PPP2R1A: variants seen among roughly 807,000 people sequenced by gnomAD.
PPP2R1A encodes the protein protein phosphatase 2 scaffold subunit Aalpha.
A neutral mutation model predicts 67.1 loss-of-function variants in PPP2R1A; 15 were observed. The ratio of observed to expected loss-of-function variants is 0.22; its 90% CI spans 0.15 to 0.34. The LOEUF is 0.34. Ranked by LOEUF, PPP2R1A falls within the 10% of genes least tolerant of loss-of-function variation. PPP2R1A has a pLI of 1.00. For missense variants in PPP2R1A, 369 were observed against 775.0 expected, an observed-to-expected ratio of 0.48 and a Z score of 6.22; for synonymous variants, 337 against 325.0, an observed-to-expected ratio of 1.04 and a Z score of -0.40.
Position 52,216,015 on chromosome 19 carries a change from A to G in PPP2R1A, c.934A>G (p.Asn312Asp). 1 of 1,614,010 alleles carries G rather than the reference A, an allele frequency of 6.2e-7. No individual in the cohort carries two copies. Among genetic ancestry groups the G allele is most frequent in the Non-Finnish European group, 8.5e-7 (1 of 1,179,898 alleles). Reference sequence around the variant, plus strand: ...CTCCCTGCCCACAGAGTTCTGTGAAAACCTCTCAGCTGACTGTCGGGAGAA... The same window carrying G: ...CTCCCTGCCCACAGAGTTCTGTGAAGACCTCTCAGCTGACTGTCGGGAGAA... ...ASHKVKEFCE[N>D]LSADCRENVI... Residue 312 changes from asparagine to aspartate, a missense_variant, in exon 8 of 15, where the codon AAC becomes GAC. By Grantham distance (23) the Asn-to-Asp change is conservative. Around this residue, in one of 2 missense-constraint regions of PPP2R1A, gnomAD observed 276 missense variants for 508.4 expected, o/e 0.54. Coordinates refer to ENST00000322088, the MANE Select transcript of PPP2R1A (RefSeq NM_014225.6). The surrounding 1 kb of genome is among the most constrained non-coding windows in gnomAD (Gnocchi z 4.3).
intron 3 of PPP2R1A, among the ~76,000 whole-genome samples, chr19:52,206,873 C>T (rs1425825166): frequency 6.6e-5 from 10 of 151,936 alleles, no homozygotes; most frequent in Non-Finnish European, 7.3e-5. Flanking sequence ...CTGCCCCACT[C>T]CCCCAGTGAT....
At position 52,222,249 on chromosome 19, in the gene PPP2R1A, C is replaced by G; in HGVS notation, c.1661+8C>G. 6.2e-7 allele frequency: 1 copy of G among 1,613,234 alleles called. No homozygotes were observed. Among genetic ancestry groups the G allele is most frequent in the Non-Finnish European group, 8.5e-7 (1 of 1,179,510 alleles). On this transcript the variant is annotated splice_region_variant and intron_variant, in intron 13 of 14. Transcript: ENST00000322088. ...GCCCATCCTGGACAACAGGTGAGGTCTGGATACTCCCCCACACACTGGCAG... is the reference window on the plus strand; with the variant it reads ...GCCCATCCTGGACAACAGGTGAGGTGTGGATACTCCCCCACACACTGGCAG...
chr19:52,221,455 C>T (rs952280822), intron 12 of PPP2R1A, among the ~76,000 whole-genome samples: 2 of 152,072 alleles, frequency 1.3e-5, no homozygotes, highest in African/African-American at 4.8e-5. Flanking sequence ...ATCTGTGGTG[C>T]GTTGGGTGAG....
At chr19:52,194,840 A>G (rs1336995760) in intron 1 of PPP2R1A, among the ~76,000 whole-genome samples, 2 of 152,148 alleles carry the variant, frequency 1.3e-5, no homozygotes. Flanking sequence ...TGCGGTAGTC[A>G]TATGGTGGGG....
rs10412196 is a variant in PPP2R1A, at chr19:52,222,085, T to C, written c.1519-14T>C. The C allele has an allele frequency of 0.12, 187,676 of 1,599,066 alleles. 12,367 individuals carry two copies. Among genetic ancestry groups the C allele is most frequent in the African/African-American group, 0.28 (21,144 of 74,768 alleles). On this transcript the variant is annotated splice_polypyrimidine_tract_variant and intron_variant, in intron 12 of 14. Coordinates refer to ENST00000322088, the MANE Select transcript of PPP2R1A (RefSeq NM_014225.6). The stretch of plus-strand genomic sequence containing the variant: ...AGCTTTGCATACTCACCCCTGCCAC[T>C]CACTGGCCCCCAGGTGCTGTCTGAG...
intron 2 of PPP2R1A, among the ~76,000 whole-genome samples, 183 bp from the exon 3 acceptor site, chr19:52,205,780 T>C (rs996331118): frequency 3.9e-5 from 6 of 152,140 alleles, no homozygotes; most frequent in Admixed American, 1.3e-4. Context: ...GGCTCTCTTA[T>C]CCCAGCCAAG....
In PPP2R1A at chr19:52,213,457, GTTTTT is replaced by G. The variant is rs398035011; in HGVS notation, c.807+373_807+377del. Among the ~76,000 whole-genome samples the G allele has an allele frequency of 2.8e-5, 2 of 71,740 alleles. No homozygotes were observed. The highest frequency in any genetic ancestry group is 5.5e-5 in the African/African-American group (1 of 18,348). 47.1% of individuals were successfully genotyped at this position (71,740 alleles called of 152,430 possible). A position where few individuals can be genotyped will look rare whatever the true frequency, so the allele number is the denominator to read the frequency against. On this transcript the variant is annotated intron_variant, in intron 6 of 14. Transcript: ENST00000322088. This position sits in a 1 kb window ranked among gnomAD's most constrained non-coding sequence, Gnocchi z 4.2. ...GCCCAAAAAGGTGGGGTTTTTTGGT[GTTTTT>G]TTTTTTTTTTTTTTTTTTTTTTTTT...
In PPP2R1A at chr19:52,227,541, G is replaced by A. The variant is rs1242451178; in HGVS notation, c.*1560G>A. 6.6e-6 allele frequency: 1 copy of A among 152,270 alleles called. No homozygotes were observed. The highest frequency in any genetic ancestry group is 1.5e-5 in the Non-Finnish European group (1 of 68,076). 9.4% of individuals were successfully genotyped at this position (152,270 alleles called of 1,614,324 possible). A position where few individuals can be genotyped will look rare whatever the true frequency, so the allele number is the denominator to read the frequency against. Reference sequence around the variant, plus strand: ...GAGCAAGGGACGTATGGCTGGTGGTGTCTGCATGGAAGGGTTTCACAGAGG... The same window carrying A: ...GAGCAAGGGACGTATGGCTGGTGGTATCTGCATGGAAGGGTTTCACAGAGG... On this transcript the variant is annotated 3_prime_UTR_variant, in exon 15 of 15. Coordinates refer to ENST00000322088, the MANE Select transcript of PPP2R1A (RefSeq NM_014225.6).
At chr19:52,220,353 C>G in intron 11 of PPP2R1A, 104 bp downstream of exon 11, 1 of 1,244,252 alleles carries the variant, frequency 8.0e-7, no homozygotes, top group Non-Finnish European at 1.2e-6. Flanking sequence ...GAGTCACTCC[C>G]CACGCCGCTG....
chr19:52,213,608 G>C lies in PPP2R1A; in HGVS notation c.807+498G>C, dbSNP rs919041081. On this transcript the variant is annotated intron_variant, in intron 6 of 14. Coordinates refer to ENST00000322088, the MANE Select transcript of PPP2R1A (RefSeq NM_014225.6). This position sits in a 1 kb window ranked among gnomAD's most constrained non-coding sequence, Gnocchi z 4.2. ...GGCATTTCTCCTGCCTCAGCCTCCT[G>C]AGGGACTGGGATTACAGATGCCCAC... Among the ~76,000 whole-genome samples the C allele has an allele frequency of 6.6e-5, 10 of 151,542 alleles. No individual in the cohort carries two copies. The highest frequency in any genetic ancestry group is 2.4e-4 in the African/African-American group (10 of 41,214).
At chr19:52,209,430 T>C (rs1278881569) in intron 3 of PPP2R1A, among the ~76,000 whole-genome samples, 1 of 152,248 alleles carries the variant, frequency 6.6e-6, no homozygotes, top group South Asian at 2.1e-4. Flanking sequence ...GCTGGCTTGC[T>C]TAGTATTACA....
chr19:52,194,221 G>C (rs1007475625), intron 1 of PPP2R1A, among the ~76,000 whole-genome samples: 7 of 151,990 alleles, frequency 4.6e-5, no homozygotes, highest in African/African-American at 1.7e-4. Context: ...ACAAGGATTT[G>C]AATGAAATGA....
chr19:52,226,007 C>T lies in PPP2R1A; in HGVS notation c.*26C>T. ...TGCTGGAAGAGGAGCAAACACTGGC[C>T]TCTGGTGTCCACCCTCCAACCCCCA... On this transcript the variant is annotated 3_prime_UTR_variant, in exon 15 of 15. Coordinates refer to ENST00000322088, the MANE Select transcript of PPP2R1A (RefSeq NM_014225.6). 8.1e-6 allele frequency: 13 copies of T among 1,614,202 alleles called. No homozygotes were observed. The highest frequency in any genetic ancestry group is 1.1e-5 in the Non-Finnish European group (13 of 1,180,028).
intron 11 of PPP2R1A, among the ~76,000 whole-genome samples, chr19:52,220,510 G>T (rs1223215996): frequency 6.6e-6 from 1 of 152,150 alleles, no homozygotes. Flanking sequence ...TTTGAATCCT[G>T]CCCTTGGGGC....
At chr19:52,203,724 A>T (rs745885380) in intron 2 of PPP2R1A, among the ~76,000 whole-genome samples, 4 of 152,062 alleles carry the variant, frequency 2.6e-5, no homozygotes, top group Non-Finnish European at 5.9e-5. Context: ...ACAGGTTCAG[A>T]TCCCACAGAT....
intron 3 of PPP2R1A, among the ~76,000 whole-genome samples, chr19:52,210,905 A>G (rs2089661802): frequency 6.6e-6 from 1 of 152,154 alleles, no homozygotes; most frequent in Admixed American, 6.5e-5. Context: ...TAGATGTTCT[A>G]CACAGTGTCA....
At position 52,216,036 on chromosome 19, in the gene PPP2R1A, G is replaced by A; in HGVS notation, c.955G>A (p.Glu319Lys). 2 of 1,614,102 alleles carry A rather than the reference G, an allele frequency of 1.2e-6. No individual in the cohort carries two copies. Among genetic ancestry groups the A allele is most frequent in the Non-Finnish European group, 1.7e-6 (2 of 1,179,976 alleles). ...FCENLSADCRENVIMSQILPC... is the reference protein window; with the variant it reads ...FCENLSADCRKNVIMSQILPC... ...TGAAAACCTCTCAGCTGACTGTCGG[G>A]AGAATGTGATCATGTCCCAGATCTT... Residue 319 changes from glutamate (E) to lysine (K), a missense_variant, in exon 8 of 15, where the codon GAG becomes AAG. Glu to Lys is a moderately conservative substitution (Grantham distance 56). Around this residue, in one of 2 missense-constraint regions of PPP2R1A, gnomAD observed 276 missense variants for 508.4 expected, o/e 0.54. Coordinates refer to ENST00000322088, the MANE Select transcript of PPP2R1A (RefSeq NM_014225.6). This position sits in a 1 kb window ranked among gnomAD's most constrained non-coding sequence, Gnocchi z 4.3.
intron 1 of PPP2R1A, among the ~76,000 whole-genome samples, chr19:52,190,791 C>A (rs1326121383): frequency 6.6e-6 from 1 of 152,200 alleles, no homozygotes; most frequent in African/African-American, 2.4e-5. Flanking sequence ...AACCCGCCTC[C>A]CCATCTCCCC....
rs1447032127 is a variant in PPP2R1A, at chr19:52,219,809, A to G, written c.1247A>G (p.Lys416Arg). 6.2e-7 allele frequency: 1 copy of G among 1,613,534 alleles called. No individual in the cohort carries two copies. Among genetic ancestry groups the G allele is most frequent in the Non-Finnish European group, 8.5e-7 (1 of 1,180,012 alleles). Reference sequence around the variant, plus strand: ...ATTGTGGAGCTGGCTGAGGACGCCAAGTGGCGGGTGCGGCTGGCCATCATT... The same window carrying G: ...ATTGTGGAGCTGGCTGAGGACGCCAGGTGGCGGGTGCGGCTGGCCATCATT... ...PAIVELAEDA[K>R]WRVRLAIIEY... Residue 416 changes from lysine to arginine, a missense_variant, in exon 10 of 15, where the codon AAG becomes AGG. Lys to Arg is a conservative substitution (Grantham distance 26, BLOSUM62 2). Coordinates refer to ENST00000322088, the MANE Select transcript of PPP2R1A (RefSeq NM_014225.6). This position sits in a 1 kb window ranked among gnomAD's most constrained non-coding sequence, Gnocchi z 4.0.
Sources: gnomAD v4.1 joint callset for allele counts (sites outside exome capture counted in the v4.1 genomes callset) on GRCh38, gnomAD v4.1.1 for gene constraint, gnomAD v4.1.1 regional missense constraint, Gnocchi (gnomAD v3.1) non-coding constraint, MANE v1.5 for transcripts, NCBI Gene and HGNC (gene_info 2026-07-23, HGNC 2026-07-21) for gene names.